SPATS2L: variants seen among roughly 807,000 people sequenced by gnomAD.
The protein encoded by SPATS2L is spermatogenesis associated serine rich 2 like.
A neutral mutation model predicts 59.6 loss-of-function variants in SPATS2L; 30 were observed. That is an observed-to-expected ratio of 0.50 (90% CI 0.38 to 0.68). The LOEUF is 0.68. Ranked by LOEUF, SPATS2L falls within the 30% of genes least tolerant of loss-of-function variation. SPATS2L has a pLI of 0.00. For synonymous variants in SPATS2L, 252 were observed against 263.5 expected (o/e 0.96, Z 0.42); for missense variants, 615 against 700.0 (o/e 0.88, Z 1.37).
At position 200,341,728 on chromosome 2, in the gene SPATS2L, C is replaced by T. The variant is rs11889081; in HGVS notation, c.-23+12248C>T. Among the ~76,000 whole-genome samples the T allele has an allele frequency of 3.7e-3, 541 of 147,834 alleles. 5 individuals carry two copies. The highest frequency in any genetic ancestry group is 0.013 in the African/African-American group (520 of 40,128). On this transcript the variant is annotated intron_variant, in intron 2 of 12. Coordinates refer to ENST00000409140, the MANE Select transcript of SPATS2L (RefSeq NM_001100423.2). The stretch of plus-strand genomic sequence containing the variant: ...TTTTTTAGACAGAGTTTTGCTCTGT[C>T]GCCCAGGCTGGAGTGCAGTGGTGGG...
rs757912810 is a variant in SPATS2L at position 200,467,330 on chromosome 2, A to C, written c.888A>C (p.Leu296=). ...LTARQKKAEE[L]KRLTDLASQM... is the part of the protein sequence containing the mutation. ...CTCGTCAGAAGAAAGCAGAAGAACT[A>C]AAGAGACTCACTGACCTTGCCAGTC... Residue 296 remains leucine (L), a synonymous_variant, in exon 10 of 13, where the codon CTA becomes CTC. Transcript: ENST00000409140. 1 of 1,614,050 alleles carries C rather than the reference A, an allele frequency of 6.2e-7. No homozygotes were observed. Among genetic ancestry groups the C allele is most frequent in the Non-Finnish European group, 8.5e-7 (1 of 1,179,878 alleles).
At chr2:200,385,762 G>A (rs1203735252) in intron 2 of SPATS2L, among the ~76,000 whole-genome samples, 1 of 151,830 alleles carries the variant, frequency 6.6e-6, no homozygotes, top group Non-Finnish European at 1.5e-5. Context: ...GTGCGATCTT[G>A]GCTCACTGCA....
At chr2:200,361,911 A>G (rs1442222769) in intron 2 of SPATS2L, among the ~76,000 whole-genome samples, 1 of 152,150 alleles carries the variant, frequency 6.6e-6, no homozygotes, top group Admixed American at 6.5e-5. Flanking sequence ...TTTATACATA[A>G]GTCTTTTAGG....
chr2:200,456,529 G>T (rs2106174462), intron 8 of SPATS2L, among the ~76,000 whole-genome samples: 1 of 152,330 alleles, frequency 6.6e-6, no homozygotes, highest in East Asian at 1.9e-4. Context: ...CCGGGGACAA[G>T]TATTGTACCC....
intron 1 of SPATS2L, chr2:200,308,853 G>T (rs1162600883): frequency 3.6e-6 from 2 of 554,048 alleles, no homozygotes; most frequent in South Asian, 2.6e-5. Flanking sequence ...CAGGCAAAAT[G>T]ATCAAGACTC....
intron 2 of SPATS2L, among the ~76,000 whole-genome samples, chr2:200,341,251 G>A (rs989109895): frequency 1.3e-5 from 2 of 152,134 alleles, no homozygotes; most frequent in African/African-American, 4.8e-5. Context: ...TTAACCCTGG[G>A]CAGGGCCTGG....
chr2:200,348,822 T>C (rs1238795664), intron 2 of SPATS2L, among the ~76,000 whole-genome samples: 1 of 151,824 alleles, frequency 6.6e-6, no homozygotes, highest in African/African-American at 2.4e-5. Flanking sequence ...GTTTCAGAGC[T>C]GGCCCTTGAA....
At chr2:200,433,994 G>T (rs971963797) in intron 6 of SPATS2L, among the ~76,000 whole-genome samples, 9 of 151,818 alleles carry the variant, frequency 5.9e-5, no homozygotes, top group African/African-American at 2.2e-4. Context: ...TACAAGAAAA[G>T]AAAATTACAG....
intron 2 of SPATS2L, among the ~76,000 whole-genome samples, chr2:200,364,410 C>A (rs2081202093): frequency 6.6e-6 from 1 of 152,100 alleles, no homozygotes; most frequent in Non-Finnish European, 1.5e-5. Context: ...TGATGTATCT[C>A]CGCCTTGCCA....
chr2:200,324,356 C>T lies in SPATS2L; in HGVS notation c.-72-5075C>T, dbSNP rs1289192679. On this transcript the variant is annotated intron_variant, in intron 1 of 12. Coordinates refer to ENST00000409140, the MANE Select transcript of SPATS2L (RefSeq NM_001100423.2). ...CTGTGACTGCTTTGCAGTAGAGAGC[C>T]CACCCAAGGCCCACTGGTCCCAGGA... Among the ~76,000 whole-genome samples the T allele has an allele frequency of 2.6e-5, 4 of 152,120 alleles. No homozygotes were observed. The East Asian group carries it at 7.7e-4, about 29-fold the overall frequency.
intron 6 of SPATS2L, among the ~76,000 whole-genome samples, chr2:200,424,119 A>G (rs969655466): frequency 6.6e-6 from 1 of 152,192 alleles, no homozygotes; most frequent in African/African-American, 2.4e-5. Flanking sequence ...AACAGCTCAA[A>G]TTGGATCTTT....
chr2:200,467,658 A>G (rs537882026), intron 10 of SPATS2L, among the ~76,000 whole-genome samples: 25 of 152,368 alleles, frequency 1.6e-4, no homozygotes, highest in African/African-American at 5.8e-4. Context: ...TGAACCAAAT[A>G]AAGTAACTTG....
chr2:200,307,014 G>T, intron 1 of SPATS2L, 92 bp downstream of exon 1: 2 of 961,446 alleles, frequency 2.1e-6, no homozygotes, highest in Non-Finnish European at 2.5e-6. Context: ...CGGAGACTCG[G>T]CTGGGCCGAG....
At chr2:200,369,607 G>A (rs2081365956) in intron 2 of SPATS2L, among the ~76,000 whole-genome samples, 1 of 152,004 alleles carries the variant, frequency 6.6e-6, no homozygotes, top group African/African-American at 2.4e-5. Flanking sequence ...TACTTAATAA[G>A]TATTAAGTAC....
At chr2:200,474,983 G>A (rs749016010) in intron 12 of SPATS2L, among the ~76,000 whole-genome samples, 1 of 152,178 alleles carries the variant, frequency 6.6e-6, no homozygotes, top group Admixed American at 6.5e-5. Context: ...TCGAGATCCT[G>A]GGTTACTCTT....
At chr2:200,369,472 C>T (rs2081361931) in intron 2 of SPATS2L, among the ~76,000 whole-genome samples, 1 of 151,924 alleles carries the variant, frequency 6.6e-6, no homozygotes, top group African/African-American at 2.4e-5. Context: ...CATAAAAGAC[C>T]ATTTAAAAAG....
At chr2:200,334,781 A>T (rs1574424704) in intron 2 of SPATS2L, among the ~76,000 whole-genome samples, 1 of 152,022 alleles carries the variant, frequency 6.6e-6, no homozygotes, top group Non-Finnish European at 1.5e-5. Flanking sequence ...TCCTTTCCCC[A>T]TTTCTTGTTT....
intron 6 of SPATS2L, among the ~76,000 whole-genome samples, 171 bp downstream of exon 6, chr2:200,419,667 G>T (rs377005853): frequency 5.8e-4 from 86 of 149,140 alleles, no homozygotes; most frequent in Middle Eastern, 3.5e-3. Flanking sequence ...ATGTAACAGG[G>T]CAGAGAATAA....
At chr2:200,335,902 C>T (rs1183221332) in intron 2 of SPATS2L, among the ~76,000 whole-genome samples, 2 of 152,154 alleles carry the variant, frequency 1.3e-5, no homozygotes, top group Admixed American at 6.5e-5. Flanking sequence ...GGGGCATAGG[C>T]GAAGTCTCCT....
Sources: gnomAD v4.1 joint callset for allele counts (sites outside exome capture counted in the v4.1 genomes callset) on GRCh38, gnomAD v4.1.1 for gene constraint, MANE v1.5 for transcripts, NCBI Gene and HGNC (gene_info 2026-07-23, HGNC 2026-07-21) for gene names.